FBXW8: variants seen among roughly 807,000 people sequenced by gnomAD.
The protein encoded by FBXW8 is F-box/WD repeat-containing protein 8.
In FBXW8, 57 loss-of-function variants were observed where a neutral mutation model predicts 65.3. The observed-to-expected ratio is 0.87, with a 90% CI of 0.71 to 1.09. FBXW8 has a LOEUF of 1.09. FBXW8 is among the 50% of genes least tolerant of loss of function. The probability of loss-of-function intolerance (pLI) is 0.00; values close to 1 mark genes in which losing one functional copy is unlikely to be tolerated. For missense variants in FBXW8, 777 were observed against 814.8 expected, an observed-to-expected ratio of 0.95 and a Z score of 0.57; for synonymous variants, 308 against 330.2, an observed-to-expected ratio of 0.93 and a Z score of 0.73.
chr12:116,988,058 T>G (rs923517576), intron 6 of FBXW8, among the ~76,000 whole-genome samples: 18 of 152,242 alleles, frequency 1.2e-4, no homozygotes, highest in Non-Finnish European at 2.6e-4. Flanking sequence ...TGCATGGTAT[T>G]CCAGCGTATA....
intron 1 of FBXW8, among the ~76,000 whole-genome samples, chr12:116,927,231 A>T (rs145857670): frequency 6.6e-6 from 1 of 152,172 alleles, no homozygotes; most frequent in Admixed American, 6.5e-5. Flanking sequence ...TTGTGCTACC[A>T]GGATCGTCAA....
chr12:116,944,875 A>T (rs1882829042), intron 2 of FBXW8, among the ~76,000 whole-genome samples: 1 of 152,200 alleles, frequency 6.6e-6, no homozygotes, highest in Non-Finnish European at 1.5e-5. Flanking sequence ...AAATTCTCAC[A>T]TGCAATTTAA....
intron 2 of FBXW8, among the ~76,000 whole-genome samples, chr12:116,939,499 A>T (rs925816876): frequency 6.6e-6 from 1 of 152,214 alleles, no homozygotes; most frequent in Non-Finnish European, 1.5e-5. Flanking sequence ...GGAACTTATT[A>T]ACACCTGGAG....
intron 7 of FBXW8, among the ~76,000 whole-genome samples, chr12:116,996,288 G>A (rs1052292199): frequency 2.0e-5 from 3 of 152,186 alleles, no homozygotes; most frequent in African/African-American, 4.8e-5. Context: ...CTTACATCAC[G>A]CTGGAAAATC....
intron 7 of FBXW8, chr12:117,002,691 G>A (rs1013365606): frequency 1.3e-5 from 2 of 152,080 alleles, no homozygotes; most frequent in Admixed American, 6.5e-5. Context: ...ACATCATATC[G>A]GAGTAAACTG....
intron 7 of FBXW8, among the ~76,000 whole-genome samples, chr12:116,996,123 A>G (rs1419190217): frequency 2.6e-5 from 4 of 152,190 alleles, no homozygotes; most frequent in African/African-American, 4.8e-5. Context: ...GTATTTGGAC[A>G]TATTTCCTAA....
chr12:116,952,101 T>C (rs1041337811), intron 4 of FBXW8, among the ~76,000 whole-genome samples: 1 of 152,238 alleles, frequency 6.6e-6, no homozygotes, highest in African/African-American at 2.4e-5. Flanking sequence ...TTTTCCACAC[T>C]GTTCTATTTA....
At chr12:117,004,767 GTCTCCTGTTTCCCCAGC>G (rs59540747) in intron 7 of FBXW8, among the ~76,000 whole-genome samples, 68,965 of 151,318 alleles carry the variant, frequency 0.46, 19,859 homozygotes, top group African/African-American at 0.83. Flanking sequence ...CAGATGCTTG[GTCTCCTGTTTCCCCAGC>G]TCTCCTGTTT....
rs151111194 is a variant in FBXW8, at chr12:116,957,808, AATTT to A, written c.678-6880_678-6877del. Reference sequence around the variant, plus strand: ...GGACCTCTTTTTAAAAATACTTTTAAATTTATTTATTTTCTGCTGTGAGGTATAC... The same window carrying A: ...GGACCTCTTTTTAAAAATACTTTTAAATTTATTTTCTGCTGTGAGGTATAC... On this transcript the variant is annotated intron_variant, in intron 4 of 10. Transcript: ENST00000652555. 4.1e-3 allele frequency among the ~76,000 whole-genome samples: 624 copies of A among 152,316 alleles called. 5 individuals carry two copies. Among genetic ancestry groups the A allele is most frequent in the African/African-American group, 0.015 (607 of 41,562 alleles).
At chr12:117,011,127 C>CTTTTTTTTTTTTTTTTTTTTTTTTT (rs397946872) in intron 8 of FBXW8, among the ~76,000 whole-genome samples, 3 of 122,176 alleles carry the variant, frequency 2.5e-5, no homozygotes, top group Non-Finnish European at 3.2e-5. Flanking sequence ...TTTTCTTTTC[C>CTTTTTTTTTTTTTTTTTTTTTTTTT]TTTTTTTTTT....
At chr12:117,009,320 A>G (rs1158335056) in intron 7 of FBXW8, among the ~76,000 whole-genome samples, 1 of 151,542 alleles carries the variant, frequency 6.6e-6, no homozygotes, top group African/African-American at 2.4e-5. Flanking sequence ...TGAGCCCAGG[A>G]GTTTGAGGCT....
chr12:117,024,331 T>C lies in FBXW8; in HGVS notation c.1541+11T>C, dbSNP rs1592972948. ...GGAGGTGTATTCCGGGTAAGGTGCA[T>C]TCTAGACACTCTTGGGAGTTCCTAG... On this transcript the variant is annotated intron_variant, in intron 9 of 10. Coordinates refer to ENST00000652555, the MANE Select transcript of FBXW8 (RefSeq NM_153348.3). 2 of 1,613,920 alleles carry C rather than the reference T, an allele frequency of 1.2e-6. No individual in the cohort carries two copies. The highest frequency in any genetic ancestry group is 1.7e-6 in the Non-Finnish European group (2 of 1,179,850).
chr12:117,018,652 C>G (rs536427721), intron 8 of FBXW8, among the ~76,000 whole-genome samples: 1 of 152,314 alleles, frequency 6.6e-6, no homozygotes, highest in South Asian at 2.1e-4. Flanking sequence ...AAATGTTTTT[C>G]CTTTTTCCCA....
chr12:116,945,482 T>C lies in FBXW8; in HGVS notation c.542T>C (p.Phe181Ser), dbSNP rs1293495275. Reference sequence around the variant, plus strand: ...GACTATTCTTGCTGGAAGCTCATCTTCCAAGAGTGCCGAGCCAAGGAACAC... The same window carrying C: ...GACTATTCTTGCTGGAAGCTCATCTCCCAAGAGTGCCGAGCCAAGGAACAC... ...ISDYSCWKLIFQECRAKEHML... is the reference protein window; with the variant it reads ...ISDYSCWKLISQECRAKEHML... The change falls in exon 3 of 11, where the codon TTC (phenylalanine) becomes TCC (serine). Residue 181 changes from phenylalanine (F) to serine (S), a missense_variant. Physicochemically the swap from Phe to Ser is radical, Grantham distance 155 (BLOSUM62 -2). Coordinates refer to ENST00000652555, the MANE Select transcript of FBXW8 (RefSeq NM_153348.3). 1.2e-6 allele frequency: 2 copies of C among 1,614,188 alleles called. No homozygotes were observed.
intron 5 of FBXW8, among the ~76,000 whole-genome samples, chr12:116,973,114 A>T (rs1884731564): frequency 6.6e-6 from 1 of 152,238 alleles, no homozygotes; most frequent in South Asian, 2.1e-4. Context: ...TATTGATAAT[A>T]ACAGGTTACA....
intron 8 of FBXW8, among the ~76,000 whole-genome samples, chr12:117,012,994 G>A (rs1953863360): frequency 6.6e-6 from 1 of 152,102 alleles, no homozygotes; most frequent in South Asian, 2.1e-4. Context: ...AATGAAAAAG[G>A]ATCTATCCTA....
At chr12:117,017,037 A>C (rs990338066) in intron 8 of FBXW8, among the ~76,000 whole-genome samples, 11 of 152,234 alleles carry the variant, frequency 7.2e-5, no homozygotes, top group African/African-American at 2.7e-4. Flanking sequence ...TTTGATTACA[A>C]TACCTCACCC....
intron 4 of FBXW8, among the ~76,000 whole-genome samples, chr12:116,959,360 G>A (rs1184892040): frequency 1.3e-5 from 2 of 152,176 alleles, no homozygotes; most frequent in African/African-American, 4.8e-5. Flanking sequence ...GTCATCTGAG[G>A]AGGCAGAGTG....
chr12:116,942,575 C>G (rs1882666562), intron 2 of FBXW8, among the ~76,000 whole-genome samples: 1 of 151,530 alleles, frequency 6.6e-6, no homozygotes, highest in African/African-American at 2.4e-5. Flanking sequence ...GGGGTTTCAC[C>G]ATGTTGGCCA....
Sources: allele counts gnomAD v4.1 joint callset (sites outside exome capture counted in the v4.1 genomes callset), GRCh38; gene constraint gnomAD v4.1.1; transcripts MANE v1.5; gene names NCBI Gene and HGNC (gene_info 2026-07-23, HGNC 2026-07-21).